CHCHD6: variants seen among roughly 807,000 people sequenced by gnomAD.
CHCHD6 encodes the protein MICOS complex subunit MIC25.
CHCHD6 carries 28 observed loss-of-function variants against 32.3 expected under a neutral mutation model. The observed-to-expected ratio is 0.87, with a 90% CI of 0.64 to 1.19. The LOEUF is 1.19. Ranked by LOEUF, CHCHD6 falls within the 50% of genes most tolerant of loss-of-function variation. The pLI is 0.00. For missense variants in CHCHD6, 333 were observed against 307.0 expected (o/e 1.08, Z -0.63); for synonymous variants, 122 against 117.5 (o/e 1.04, Z -0.25).
intron 5 of CHCHD6, among the ~76,000 whole-genome samples, chr3:126,864,322 C>A (rs1295016574): frequency 1.3e-5 from 2 of 150,812 alleles, no homozygotes; most frequent in African/African-American, 4.9e-5. Flanking sequence ...GCCACTTCCA[C>A]CTCCACCACC....
intron 1 of CHCHD6, among the ~76,000 whole-genome samples, chr3:126,723,261 T>A (rs1385868147): frequency 6.6e-6 from 1 of 152,186 alleles, no homozygotes; most frequent in Non-Finnish European, 1.5e-5. Context: ...CAATCTTTTG[T>A]TACTAAGGAA....
chr3:126,726,930 A>G, intron 1 of CHCHD6, 148 bp from the exon 2 acceptor site: 1 of 624,612 alleles, frequency 1.6e-6, no homozygotes. Context: ...GGCCACCACG[A>G]GAGGAGTTTT....
intron 4 of CHCHD6, among the ~76,000 whole-genome samples, chr3:126,805,657 C>G (rs1388329025): frequency 6.6e-6 from 1 of 152,182 alleles, no homozygotes; most frequent in Non-Finnish European, 1.5e-5. Context: ...ATGCCCTCCC[C>G]ATCAAGCTAC....
chr3:126,725,657 A>G (rs911555369), intron 1 of CHCHD6, among the ~76,000 whole-genome samples: 1 of 152,248 alleles, frequency 6.6e-6, no homozygotes, highest in Non-Finnish European at 1.5e-5. Flanking sequence ...TTTTCCCAGT[A>G]GAAGACTGTT....
intron 4 of CHCHD6, among the ~76,000 whole-genome samples, chr3:126,756,628 C>T (rs929486185): frequency 5.9e-5 from 9 of 152,154 alleles, no homozygotes; most frequent in East Asian, 1.9e-4. Flanking sequence ...ACTCTGTGGC[C>T]GCAGTTTCCT....
intron 4 of CHCHD6, among the ~76,000 whole-genome samples, chr3:126,791,104 C>T (rs1181772838): frequency 1.3e-5 from 2 of 152,180 alleles, no homozygotes; most frequent in African/African-American, 2.4e-5. Context: ...ACCCTGTTTG[C>T]CTGGGTGTCA....
intron 6 of CHCHD6, among the ~76,000 whole-genome samples, chr3:126,939,033 G>T (rs77261910): frequency 6.6e-6 from 1 of 152,156 alleles, no homozygotes; most frequent in Admixed American, 6.5e-5. Flanking sequence ...AAGCACTTTG[G>T]GTAGGTTATC....
intron 6 of CHCHD6, among the ~76,000 whole-genome samples, chr3:126,922,738 C>T (rs1038799808): frequency 6.6e-6 from 1 of 151,900 alleles, no homozygotes; most frequent in Non-Finnish European, 1.5e-5. Flanking sequence ...TGTGTGTACA[C>T]GTGCTTGTTT....
chr3:126,752,353 GC>G (rs1165499141), intron 4 of CHCHD6, among the ~76,000 whole-genome samples: 2 of 152,196 alleles, frequency 1.3e-5, no homozygotes, highest in Non-Finnish European at 2.9e-5. Flanking sequence ...GGTCACAGCA[GC>G]CCCTCTTCTG....
intron 4 of CHCHD6, among the ~76,000 whole-genome samples, chr3:126,802,091 A>G (rs1455186003): frequency 6.6e-6 from 1 of 152,224 alleles, no homozygotes; most frequent in Non-Finnish European, 1.5e-5. Context: ...GACCAAAAGT[A>G]GATAAAACCA....
chr3:126,841,024 C>T (rs973387454), intron 4 of CHCHD6, among the ~76,000 whole-genome samples: 1 of 152,022 alleles, frequency 6.6e-6, no homozygotes, highest in Non-Finnish European at 1.5e-5. Context: ...AGGTATATCT[C>T]CCGATGCTAT....
At chr3:126,889,056 C>A (rs1004475992) in intron 5 of CHCHD6, among the ~76,000 whole-genome samples, 1 of 152,168 alleles carries the variant, frequency 6.6e-6, no homozygotes, top group Non-Finnish European at 1.5e-5. Context: ...GAGTGACCAG[C>A]ACGGGTTGGT....
At chr3:126,852,527 C>T in intron 4 of CHCHD6, 120 bp from the exon 5 acceptor site, 1 of 688,368 alleles carries the variant, frequency 1.5e-6, no homozygotes, top group South Asian at 1.6e-5. Context: ...AGGTTTTCAA[C>T]TCATTATTGC....
intron 4 of CHCHD6, among the ~76,000 whole-genome samples, chr3:126,738,152 GC>G (rs1307714607): frequency 6.6e-6 from 1 of 152,136 alleles, no homozygotes; most frequent in African/African-American, 2.4e-5. Flanking sequence ...TCTCTTCAAT[GC>G]CCAGATGCTC....
chr3:126,947,921 C>T lies in CHCHD6; in HGVS notation c.567-9495C>T, dbSNP rs181909711. ...GTCAGTTCATCTCTAAATAAAATAA[C>T]GCCTTACAGGGGAGGACAGAGATTG... On this transcript the variant is annotated intron_variant, in intron 6 of 7. Coordinates refer to ENST00000290913, the MANE Select transcript of CHCHD6 (RefSeq NM_032343.3). 1.1e-3 allele frequency among the ~76,000 whole-genome samples: 161 copies of T among 152,250 alleles called. 1 individual carries two copies. Among genetic ancestry groups the T allele is most frequent in the African/African-American group, 3.3e-3 (136 of 41,544 alleles).
chr3:126,846,244 C>T (rs1042681843), intron 4 of CHCHD6, among the ~76,000 whole-genome samples: 1 of 152,134 alleles, frequency 6.6e-6, no homozygotes, highest in Non-Finnish European at 1.5e-5. Flanking sequence ...TCAGAGGTTG[C>T]CCAGTGCTAA....
chr3:126,766,246 T>C (rs1458160879), intron 4 of CHCHD6, among the ~76,000 whole-genome samples: 3 of 152,178 alleles, frequency 2.0e-5, no homozygotes, highest in Admixed American at 1.3e-4. Flanking sequence ...AAACGTACTT[T>C]GGAAAGCATA....
intron 4 of CHCHD6, among the ~76,000 whole-genome samples, chr3:126,833,608 C>T (rs1385304662): frequency 6.6e-6 from 1 of 152,122 alleles, no homozygotes; most frequent in Non-Finnish European, 1.5e-5. Flanking sequence ...GATAGCTATG[C>T]CATCTTGAGT....
In CHCHD6 at chr3:126,880,470, CAG is replaced by C. The variant is rs762922527; in HGVS notation, c.495+27743_495+27744del. Among the ~76,000 whole-genome samples the C allele has an allele frequency of 2.7e-4, 41 of 152,284 alleles. No homozygotes were observed. The East Asian group carries it at 4.1e-3, about 15-fold the overall frequency. On this transcript the variant is annotated intron_variant, in intron 5 of 7. Transcript: ENST00000290913. ...AGAACCAAGCAGACACCCACAAAGA[CAG>C]AGTCACCCTGCTGAGATTCCCACAC... is the stretch of plus-strand genomic sequence containing the variant.
Sources: gnomAD v4.1 joint callset for allele counts (sites outside exome capture counted in the v4.1 genomes callset) on GRCh38, gnomAD v4.1.1 for gene constraint, MANE v1.5 for transcripts, NCBI Gene and HGNC (gene_info 2026-07-23, HGNC 2026-07-21) for gene names.